DACH1: variants seen among roughly 807,000 people sequenced by gnomAD.
The protein encoded by DACH1 is dachshund family transcription factor 1.
A neutral mutation model predicts 54.2 loss-of-function variants in DACH1; 12 were observed. The observed-to-expected ratio is 0.22, with a 90% CI of 0.14 to 0.36. DACH1 has a LOEUF of 0.36. Among genes scored for constraint, DACH1 ranks in the 10% least tolerant of loss-of-function variants. DACH1 has a pLI of 1.00. For missense variants in DACH1, 805 were observed against 929.8 expected, an observed-to-expected ratio of 0.87 and a Z score of 1.75; for synonymous variants, 386 against 366.2, an observed-to-expected ratio of 1.05 and a Z score of -0.62.
At chr13:71,577,278 T>C (rs1194704900) in intron 3 of DACH1, among the ~76,000 whole-genome samples, 1 of 152,140 alleles carries the variant, frequency 6.6e-6, no homozygotes, top group Non-Finnish European at 1.5e-5. Context: ...GAAATCTAGC[T>C]ACCAAACGAG....
At chr13:71,832,419 T>TA (rs1233483527) in intron 1 of DACH1, among the ~76,000 whole-genome samples, 2 of 151,852 alleles carry the variant, frequency 1.3e-5, no homozygotes, top group Non-Finnish European at 2.9e-5. Context: ...TGCATAAACA[T>TA]AAAAAAATAA....
chr13:71,866,347 G>A lies in DACH1; in HGVS notation c.423C>T (p.Ser141=). The change falls in exon 1 of 11, where the codon AGC becomes AGT. Residue 141 remains serine, a synonymous_variant. Transcript: ENST00000613252. ...TGCTGCTGCTGCTACTGCTGCTGCT[G>A]CTGCTGCCGGTGCTGGCGTTGATGG... ...STPINASTGS[S]SSSSSSSSSS... 2.0e-6 allele frequency: 3 copies of A among 1,533,892 alleles called. No homozygotes were observed. Among genetic ancestry groups the A allele is most frequent in the Non-Finnish European group, 8.8e-7 (1 of 1,140,456 alleles).
chr13:71,493,209 C>T (rs944422487), intron 6 of DACH1, among the ~76,000 whole-genome samples: 1 of 152,042 alleles, frequency 6.6e-6, no homozygotes, highest in Admixed American at 6.6e-5. Context: ...TGTCTAGCTT[C>T]CATTTCTCTC....
At chr13:71,838,283 T>C (rs922427531) in intron 1 of DACH1, among the ~76,000 whole-genome samples, 8 of 152,150 alleles carry the variant, frequency 5.3e-5, no homozygotes, top group Non-Finnish European at 1.2e-4. Flanking sequence ...TGCTGCACAA[T>C]AGTAACGAAT....
intron 1 of DACH1, among the ~76,000 whole-genome samples, chr13:71,722,288 T>A (rs1883265096): frequency 6.6e-6 from 1 of 152,180 alleles, no homozygotes; most frequent in Non-Finnish European, 1.5e-5. Flanking sequence ...ATTTTCTACC[T>A]TTTGAGAGAA....
chr13:71,747,094 T>C (rs768498977), intron 1 of DACH1, among the ~76,000 whole-genome samples: 3 of 152,156 alleles, frequency 2.0e-5, no homozygotes, highest in Non-Finnish European at 4.4e-5. Flanking sequence ...TGTTTGTATA[T>C]ACAAATAGTT....
At chr13:71,855,808 T>C (rs545122358) in intron 1 of DACH1, among the ~76,000 whole-genome samples, 2 of 152,090 alleles carry the variant, frequency 1.3e-5, no homozygotes, top group South Asian at 2.1e-4. Context: ...GAAAAATCCT[T>C]ATTTGGAAAT....
chr13:71,698,739 G>T (rs1471451553), intron 1 of DACH1, among the ~76,000 whole-genome samples: 1 of 152,080 alleles, frequency 6.6e-6, no homozygotes, highest in Admixed American at 6.5e-5. Flanking sequence ...ATCATATTTT[G>T]TATAGGCTAT....
intron 1 of DACH1, among the ~76,000 whole-genome samples, chr13:71,839,673 C>T (rs1302675061): frequency 6.6e-6 from 1 of 152,034 alleles, no homozygotes; most frequent in East Asian, 1.9e-4. Flanking sequence ...AGGGCTTCTG[C>T]CCTAACTTTT....
At chr13:71,653,821 A>G (rs1003027891) in intron 2 of DACH1, among the ~76,000 whole-genome samples, 2 of 152,176 alleles carry the variant, frequency 1.3e-5, no homozygotes, top group Non-Finnish European at 2.9e-5. Context: ...GTAACTTTCC[A>G]GAAAATATGA....
At chr13:71,789,041 C>A (rs979030231) in intron 1 of DACH1, among the ~76,000 whole-genome samples, 14 of 151,890 alleles carry the variant, frequency 9.2e-5, no homozygotes, top group African/African-American at 3.4e-4. Flanking sequence ...ATTCCTTCTC[C>A]AAAAAAACCA....
At chr13:71,544,776 A>C (rs1883351666) in intron 6 of DACH1, among the ~76,000 whole-genome samples, 1 of 152,080 alleles carries the variant, frequency 6.6e-6, no homozygotes, top group East Asian at 1.9e-4. Flanking sequence ...TGGAACTTGC[A>C]ACCTGGTGAA....
At chr13:71,499,136 G>GAGACAC (rs1879701668) in intron 6 of DACH1, among the ~76,000 whole-genome samples, 1 of 149,198 alleles carries the variant, frequency 6.7e-6, no homozygotes, top group Non-Finnish European at 1.5e-5. Context: ...CACACACGCA[G>GAGACAC]ACACACACAC....
chr13:71,477,893 T>G (rs1274266443), intron 8 of DACH1, among the ~76,000 whole-genome samples: 1 of 152,178 alleles, frequency 6.6e-6, no homozygotes, highest in African/African-American at 2.4e-5. Flanking sequence ...TGTTCGTAAT[T>G]AATTAAATGG....
chr13:71,799,895 T>C (rs933938531), intron 1 of DACH1, among the ~76,000 whole-genome samples: 1 of 152,158 alleles, frequency 6.6e-6, no homozygotes, highest in African/African-American at 2.4e-5. Context: ...TGATTGTTCA[T>C]GTGTCTTATA....
chr13:71,718,528 A>T (rs1883086298), intron 1 of DACH1, among the ~76,000 whole-genome samples: 1 of 150,168 alleles, frequency 6.7e-6, no homozygotes, highest in Non-Finnish European at 1.5e-5. Context: ...GTGAGCTATG[A>T]TCGCATCACT....
intron 7 of DACH1, among the ~76,000 whole-genome samples, chr13:71,484,538 GACTATA>G (rs1216888089): frequency 6.6e-6 from 1 of 152,130 alleles, no homozygotes; most frequent in African/African-American, 2.4e-5. Context: ...CATGTAGGTA[GACTATA>G]GTGAACCAAA....
At chr13:71,607,314 C>T (rs945707399) in intron 3 of DACH1, among the ~76,000 whole-genome samples, 1 of 151,894 alleles carries the variant, frequency 6.6e-6, no homozygotes, top group Non-Finnish European at 1.5e-5. Flanking sequence ...TTCATGTATA[C>T]AGGCTTATTA....
chr13:71,686,779 A>C (rs550496758), intron 1 of DACH1, among the ~76,000 whole-genome samples: 2 of 152,354 alleles, frequency 1.3e-5, no homozygotes, highest in East Asian at 3.9e-4. Context: ...AAAATGTGAA[A>C]GTAGCTGCCC....
Sources: gnomAD v4.1 joint callset for allele counts (sites outside exome capture counted in the v4.1 genomes callset) on GRCh38, gnomAD v4.1.1 for gene constraint, MANE v1.5 for transcripts, NCBI Gene and HGNC (gene_info 2026-07-23, HGNC 2026-07-21) for gene names.